Variants in RARB observed in about 807,000 individuals in gnomAD.
The protein encoded by RARB is retinoic acid receptor beta, also known as HBV-activated protein.
Under a neutral mutation model 51.9 loss-of-function variants are expected in RARB, and 17 were observed. The observed-to-expected ratio is 0.33, with a 90% CI of 0.22 to 0.49. RARB has a LOEUF of 0.49. RARB is among the 20% of genes least tolerant of loss of function. The pLI is 0.99. For missense variants in RARB, 369 were observed against 550.8 expected (o/e 0.67, Z 3.30); for synonymous variants, 215 against 195.4 (o/e 1.10, Z -0.84).
intron 3 of RARB, among the ~76,000 whole-genome samples, chr3:25,117,365 A>G (rs1699706128): frequency 6.6e-6 from 1 of 152,228 alleles, no homozygotes; most frequent in Admixed American, 6.6e-5. Context: ...AGCATGGCAC[A>G]AGAGGTTTCT....
At chr3:24,852,757 C>G (rs1347401363) in intron 1 of RARB, among the ~76,000 whole-genome samples, 4 of 152,064 alleles carry the variant, frequency 2.6e-5, no homozygotes, top group Non-Finnish European at 5.9e-5. Flanking sequence ...TAAACGACAA[C>G]AAATAGTGTG....
At chr3:25,430,619 G>C (rs764503480) in intron 1 of RARB, among the ~76,000 whole-genome samples, 5 of 152,204 alleles carry the variant, frequency 3.3e-5, no homozygotes, top group Admixed American at 6.5e-5. Flanking sequence ...AGTTAAACAA[G>C]GGATTTGCTT....
At chr3:25,094,948 G>T (rs1161854181) in intron 3 of RARB, among the ~76,000 whole-genome samples, 1 of 151,936 alleles carries the variant, frequency 6.6e-6, no homozygotes, top group African/African-American at 2.4e-5. Context: ...AGATGCTTGA[G>T]AAAAAGGTAA....
rs536181516 is a variant in RARB at position 25,170,708 on chromosome 3, T to C, written c.-279-3411T>C. ...CAACAGAAAATCATTCAAATGTTATTTTAAAAATGTTTTCATAGAACAAAA... is the reference window on the plus strand; with the variant it reads ...CAACAGAAAATCATTCAAATGTTATCTTAAAAATGTTTTCATAGAACAAAA... On this transcript the variant is annotated intron_variant, in intron 4 of 11. Transcript: ENST00000383772. 6.6e-5 allele frequency among the ~76,000 whole-genome samples: 10 copies of C among 152,332 alleles called. No individual in the cohort carries two copies. The South Asian group carries it at 2.1e-3, about 32-fold the overall frequency.
chr3:25,128,563 G>T (rs1199471170), intron 3 of RARB, among the ~76,000 whole-genome samples: 1 of 150,998 alleles, frequency 6.6e-6, no homozygotes, highest in Non-Finnish European at 1.5e-5. Flanking sequence ...AATTCCAGGA[G>T]GCAGCCTTTA....
At chr3:25,383,763 A>G (rs1440989650) in intron 5 of RARB, among the ~76,000 whole-genome samples, 1 of 152,074 alleles carries the variant, frequency 6.6e-6, no homozygotes, top group Non-Finnish European at 1.5e-5. Context: ...CCCCGTCTCT[A>G]TTTAAAAAAT....
At chr3:25,572,394 T>C (rs1173866902) in intron 4 of RARB, among the ~76,000 whole-genome samples, 1 of 152,212 alleles carries the variant, frequency 6.6e-6, no homozygotes, top group Non-Finnish European at 1.5e-5. Flanking sequence ...TTTTATTCCT[T>C]ATGAGGACTC....
At chr3:25,093,928 T>C (rs1909528) in intron 3 of RARB, among the ~76,000 whole-genome samples, 1 of 152,146 alleles carries the variant, frequency 6.6e-6, no homozygotes, top group African/African-American at 2.4e-5. Flanking sequence ...GGAGACTGAT[T>C]TGAGTCATAA....
chr3:25,443,196 A>G (rs185064903), intron 1 of RARB, among the ~76,000 whole-genome samples: 1 of 152,246 alleles, frequency 6.6e-6, no homozygotes, highest in Non-Finnish European at 1.5e-5. Flanking sequence ...CACCTCTAGT[A>G]AACTTGATGG....
At chr3:25,402,402 CA>C (rs1222272341) in intron 5 of RARB, among the ~76,000 whole-genome samples, 1 of 151,970 alleles carries the variant, frequency 6.6e-6, no homozygotes, top group Non-Finnish European at 1.5e-5. Context: ...GGAGGTTCCT[CA>C]AAAAAACTAA....
chr3:25,091,920 T>A (rs1199359107), intron 3 of RARB, among the ~76,000 whole-genome samples: 3 of 152,138 alleles, frequency 2.0e-5, no homozygotes, highest in Non-Finnish European at 4.4e-5. Flanking sequence ...TCGGAAGATG[T>A]GTGTGGAGAT....
At chr3:25,522,088 A>G (rs1047617372) in intron 3 of RARB, among the ~76,000 whole-genome samples, 3 of 152,048 alleles carry the variant, frequency 2.0e-5, no homozygotes, top group African/African-American at 7.2e-5. Context: ...AATACCTGAG[A>G]CACAAAGAGG....
At chr3:25,160,912 TCTC>T (rs1415048847) in intron 4 of RARB, among the ~76,000 whole-genome samples, 3 of 151,914 alleles carry the variant, frequency 2.0e-5, no homozygotes, top group Non-Finnish European at 2.9e-5. Context: ...CACATCACCT[TCTC>T]CTCTTCTATA....
chr3:24,856,712 A>G (rs1388962146), intron 1 of RARB, among the ~76,000 whole-genome samples: 1 of 152,204 alleles, frequency 6.6e-6, no homozygotes, highest in Non-Finnish European at 1.5e-5. Flanking sequence ...AACCAAAAAG[A>G]TTAAATCTTA....
chr3:25,205,061 G>C (rs1701502465), intron 5 of RARB, among the ~76,000 whole-genome samples: 1 of 152,152 alleles, frequency 6.6e-6, no homozygotes, highest in African/African-American at 2.4e-5. Flanking sequence ...CTTGAGCTGT[G>C]GTGGGCTCTA....
At position 25,596,750 on chromosome 3, in the gene RARB, T is replaced by C; in HGVS notation, c.*134T>C. 1 of 749,118 alleles carries C rather than the reference T, an allele frequency of 1.3e-6. No individual in the cohort carries two copies. Among genetic ancestry groups the C allele is most frequent in the Non-Finnish European group, 2.1e-6 (1 of 475,376 alleles). 46.4% of individuals were successfully genotyped at this position (749,118 alleles called of 1,614,324 possible). A position where few individuals can be genotyped will look rare whatever the true frequency, so the allele number is the denominator to read the frequency against. On this transcript the variant is annotated 3_prime_UTR_variant, in exon 8 of 8. Transcript: ENST00000330688. ...AAAACTCAAGAAGGACCAAGAAGTT[T>C]TCATATGTATCAATATATATACTCC...
chr3:25,584,907 G>A lies in RARB; in HGVS notation c.786+4185G>A, dbSNP rs559465821. 3.9e-5 allele frequency among the ~76,000 whole-genome samples: 6 copies of A among 152,138 alleles called. No homozygotes were observed. The East Asian group carries it at 1.2e-3, about 29-fold the overall frequency. On this transcript the variant is annotated intron_variant, in intron 5 of 7. Coordinates refer to ENST00000330688, the MANE Select transcript of RARB (RefSeq NM_000965.5). ...TCTACAGTCAACTCCAACCCCGCCT[G>A]GCCTGCCCCTACTTTTGCCACAGTA...
intron 5 of RARB, among the ~76,000 whole-genome samples, chr3:25,272,286 C>T (rs1575274610): frequency 1.3e-5 from 2 of 152,196 alleles, no homozygotes; most frequent in Admixed American, 1.3e-4. Context: ...ACAAAGCCAT[C>T]GGCTGGTCAG....
intron 2 of RARB, among the ~76,000 whole-genome samples, chr3:25,034,707 G>A (rs1297431794): frequency 6.6e-6 from 1 of 152,012 alleles, no homozygotes; most frequent in Admixed American, 6.5e-5. Flanking sequence ...CCAAACATCA[G>A]TAAAAAACAC....
Sources: gnomAD v4.1 joint callset for allele counts (sites outside exome capture counted in the v4.1 genomes callset) on GRCh38, gnomAD v4.1.1 for gene constraint, MANE v1.5 for transcripts, NCBI Gene and HGNC (gene_info 2026-07-23, HGNC 2026-07-21) for gene names.